The following GALNT17 variants were observed in gnomAD, a reference collection of about 807,000 sequenced individuals.
GALNT17 encodes the protein polypeptide N-acetylgalactosaminyltransferase 17, also known as UDP-GalNAc:polypeptide N-acetylgalactosaminyltransferase-like 3.
Under a neutral mutation model 63.7 loss-of-function variants are expected in GALNT17, and 29 were observed. The observed-to-expected ratio is 0.46, with a 90% CI of 0.34 to 0.62. The LOEUF (loss-of-function observed/expected upper bound fraction) is 0.62. Ranked by LOEUF, GALNT17 falls within the 20% of genes least tolerant of loss-of-function variation. The pLI, the probability that GALNT17 is intolerant of heterozygous loss-of-function variation, is 0.01. For synonymous variants in GALNT17, 305 were observed against 318.3 expected (o/e 0.96, Z 0.45); for missense variants, 603 against 799.6 (o/e 0.75, Z 2.97).
At chr7:71,681,259 T>C (rs1456435059) in intron 9 of GALNT17, among the ~76,000 whole-genome samples, 1 of 152,118 alleles carries the variant, frequency 6.6e-6, no homozygotes, top group Non-Finnish European at 1.5e-5. Context: ...TTTGAGGAAA[T>C]GGGACTTGAT....
chr7:71,201,241 T>TTTATATATATATATATATATATATATA (rs1789163354), intron 1 of GALNT17, among the ~76,000 whole-genome samples: 1 of 138,382 alleles, frequency 7.2e-6, no homozygotes. Flanking sequence ...GTGTTTATTT[T>TTTATATATATATATATATATATATATA]TATATATATA....
Position 71,692,160 on chromosome 7 carries a change from G to T in GALNT17, c.1500+14854G>T, listed in dbSNP as rs112638967. Among the ~76,000 whole-genome samples, 130 of 152,164 alleles carry T rather than the reference G, an allele frequency of 8.5e-4. 1 individual carries two copies. The highest frequency in any genetic ancestry group is 2.8e-3 in the African/African-American group (115 of 41,506). ...GCTGGTCTCAAACTCCTGGCCTCCC[G>T]CAATCTTCCTGCCTCAGCTTCCCAA... On this transcript the variant is annotated intron_variant, in intron 9 of 10. Coordinates refer to ENST00000333538, the MANE Select transcript of GALNT17 (RefSeq NM_022479.3).
chr7:71,523,565 G>A (rs898956576), intron 5 of GALNT17, among the ~76,000 whole-genome samples: 8 of 151,646 alleles, frequency 5.3e-5, no homozygotes, highest in African/African-American at 1.9e-4. Context: ...GATCAGCCTG[G>A]ACATGATAAC....
chr7:71,485,044 G>A (rs1012807074), intron 5 of GALNT17, among the ~76,000 whole-genome samples: 1 of 146,068 alleles, frequency 6.8e-6, no homozygotes, highest in African/African-American at 2.5e-5. Flanking sequence ...CTTGACCTCA[G>A]GTGATCCACC....
chr7:71,358,726 T>A (rs1792338909), intron 2 of GALNT17, among the ~76,000 whole-genome samples: 1 of 152,210 alleles, frequency 6.6e-6, no homozygotes, highest in South Asian at 2.1e-4. Flanking sequence ...GAATTTTCAC[T>A]GATTATCATA....
At chr7:71,441,750 TC>T (rs1448980543) in intron 5 of GALNT17, among the ~76,000 whole-genome samples, 3 of 152,142 alleles carry the variant, frequency 2.0e-5, no homozygotes, top group Admixed American at 2.0e-4. Context: ...GGTTTTCTGT[TC>T]CTGTGTTTGC....
intron 5 of GALNT17, among the ~76,000 whole-genome samples, chr7:71,491,554 A>G (rs752061083): frequency 1.8e-4 from 27 of 152,222 alleles, no homozygotes; most frequent in Non-Finnish European, 3.1e-4. Context: ...GGAGAGAGGC[A>G]GGGTTCCCAT....
chr7:71,624,542 T>C (rs1372208513), intron 6 of GALNT17, among the ~76,000 whole-genome samples: 4 of 151,904 alleles, frequency 2.6e-5, no homozygotes, highest in African/African-American at 9.7e-5. Context: ...CATCAGTAAG[T>C]GTCATTCACT....
At chr7:71,373,580 C>T (rs1195123797) in intron 2 of GALNT17, among the ~76,000 whole-genome samples, 1 of 152,146 alleles carries the variant, frequency 6.6e-6, no homozygotes, top group Admixed American at 6.5e-5. Flanking sequence ...GTATTTACAG[C>T]TGCTCCCCAT....
chr7:71,486,363 A>G (rs1445800638), intron 5 of GALNT17, among the ~76,000 whole-genome samples: 3 of 137,974 alleles, frequency 2.2e-5, no homozygotes, highest in Non-Finnish European at 1.5e-5. Flanking sequence ...AATAATAATA[A>G]TAATAATAAT....
chr7:71,428,262 A>T (rs1308999173), intron 5 of GALNT17, among the ~76,000 whole-genome samples: 1 of 151,960 alleles, frequency 6.6e-6, no homozygotes, highest in Non-Finnish European at 1.5e-5. Flanking sequence ...CCTCCCTCCC[A>T]CCAAACAGTG....
At chr7:71,134,744 C>T (rs1460732560) in intron 1 of GALNT17, among the ~76,000 whole-genome samples, 1 of 151,600 alleles carries the variant, frequency 6.6e-6, no homozygotes, top group African/African-American at 2.4e-5. Context: ...TGTAGACATA[C>T]CCATAGGAAC....
intron 5 of GALNT17, among the ~76,000 whole-genome samples, chr7:71,477,617 C>A (rs562411545): frequency 6.6e-6 from 1 of 152,094 alleles, no homozygotes; most frequent in Non-Finnish European, 1.5e-5. Context: ...GGAGCCCAGA[C>A]GTTCGAGGCT....
intron 6 of GALNT17, among the ~76,000 whole-genome samples, chr7:71,607,276 T>G (rs1790061109): frequency 6.6e-6 from 1 of 152,212 alleles, no homozygotes; most frequent in Non-Finnish European, 1.5e-5. Context: ...GAGTTCATCA[T>G]CAGTTCACTA....
intron 1 of GALNT17, among the ~76,000 whole-genome samples, chr7:71,160,915 C>T (rs1380105286): frequency 6.6e-6 from 1 of 152,134 alleles, no homozygotes; most frequent in African/African-American, 2.4e-5. Context: ...ACTCGTAGCT[C>T]ATTGTAACCT....
At chr7:71,298,996 C>T (rs1791137634) in intron 1 of GALNT17, among the ~76,000 whole-genome samples, 2 of 152,096 alleles carry the variant, frequency 1.3e-5, no homozygotes, top group African/African-American at 4.8e-5. Flanking sequence ...GGTGTTAAGT[C>T]ACCACCCTTG....
intron 5 of GALNT17, among the ~76,000 whole-genome samples, chr7:71,444,484 A>G (rs1583958965): frequency 7.3e-6 from 1 of 137,206 alleles, no homozygotes; most frequent in South Asian, 2.1e-4. Context: ...CGTGGAAAAC[A>G]GGGGTGTCTT....
At chr7:71,390,264 C>T (rs185758965) in intron 3 of GALNT17, among the ~76,000 whole-genome samples, 16 of 152,238 alleles carry the variant, frequency 1.1e-4, no homozygotes, top group Non-Finnish European at 1.5e-4. Context: ...CTGTTTAAAA[C>T]CGGATTATCT....
chr7:71,703,887 A>C (rs1196566447), intron 9 of GALNT17, among the ~76,000 whole-genome samples: 6 of 151,956 alleles, frequency 3.9e-5, no homozygotes, highest in Admixed American at 3.9e-4. Flanking sequence ...ACTTTTCAAC[A>C]AAATGGAAAG....
Sources: allele counts gnomAD v4.1 joint callset (sites outside exome capture counted in the v4.1 genomes callset), GRCh38; gene constraint gnomAD v4.1.1; transcripts MANE v1.5; gene names NCBI Gene and HGNC (gene_info 2026-07-23, HGNC 2026-07-21).